Variants in MBNL2 observed in about 807,000 individuals in gnomAD.
MBNL2 encodes muscleblind like splicing regulator 2, also known as muscleblind-like protein 2.
In MBNL2, 17 loss-of-function variants were observed where a neutral mutation model predicts 41.9. The ratio of observed to expected loss-of-function variants is 0.41; its 90% confidence interval spans 0.28 to 0.61. The LOEUF is 0.61. Ranked by LOEUF, MBNL2 falls within the 20% of genes least tolerant of loss-of-function variation. The pLI is 0.35. For missense variants in MBNL2, 336 were observed against 505.6 expected (o/e 0.66, Z 3.22); for synonymous variants, 195 against 182.9 (o/e 1.07, Z -0.53).
Position 97,354,527 on chromosome 13 carries a change from A to G in MBNL2, c.805-2269A>G, listed in dbSNP as rs1052720981. Among the ~76,000 whole-genome samples the G allele has an allele frequency of 3.9e-5, 6 of 152,296 alleles. No individual in the cohort carries two copies. In the East Asian group the frequency reaches 1.2e-3, roughly 29 times the overall value. On this transcript the variant is annotated intron_variant, in intron 5 of 8. Transcript: ENST00000679496. ...AAACTCCCACCACAGAGTGGTAGAA[A>G]GAGATACACGTCACTGTCCTGCTCA...
intron 2 of MBNL2, among the ~76,000 whole-genome samples, chr13:97,284,442 T>A (rs2054034299): frequency 6.6e-6 from 1 of 152,174 alleles, no homozygotes; most frequent in African/African-American, 2.4e-5. Flanking sequence ...ATCTTCCTGG[T>A]GTTTGAGTCT....
chr13:97,243,613 C>T (rs976899742), intron 1 of MBNL2, among the ~76,000 whole-genome samples: 6 of 152,160 alleles, frequency 3.9e-5, no homozygotes. Flanking sequence ...TTAGCATGTT[C>T]CTTCTAATTA....
At chr13:97,203,549 A>G in the MBNL2 span, among the ~76,000 whole-genome samples, 1 of 152,138 alleles carries the variant, frequency 6.6e-6, no homozygotes, top group East Asian at 1.9e-4. Flanking sequence ...AGCTGCGCTC[A>G]CGGGTAACTC....
the MBNL2 span, among the ~76,000 whole-genome samples, chr13:97,203,802 T>G: frequency 6.6e-6 from 1 of 152,294 alleles, no homozygotes. Context: ...TTTAAAAGAT[T>G]CCAATGCCTA....
the MBNL2 span, among the ~76,000 whole-genome samples, chr13:97,171,255 T>G: frequency 6.6e-6 from 1 of 152,184 alleles, no homozygotes; most frequent in Non-Finnish European, 1.5e-5. Context: ...TTCTCATATA[T>G]AAGGCAAGTG....
upstream of MBNL2, among the ~76,000 whole-genome samples, chr13:97,220,001 T>A (rs2040720818): frequency 6.6e-6 from 1 of 152,234 alleles, no homozygotes; most frequent in African/African-American, 2.4e-5. Context: ...GATAATGGAT[T>A]TCAAATGGTG....
intron 2 of MBNL2, among the ~76,000 whole-genome samples, chr13:97,333,112 T>TC (rs568761489): frequency 6.4e-4 from 98 of 152,230 alleles, no homozygotes; most frequent in Middle Eastern, 3.4e-3. Context: ...TTTCCCCAGA[T>TC]CCCCCAAGCT....
chr13:97,388,304 T>C lies in MBNL2; in HGVS notation c.1049-3018T>C, dbSNP rs571364777. On this transcript the variant is annotated intron_variant, in intron 8 of 8. Transcript: ENST00000679496. ...TAAAGATGGAAAAAGTTTATACATA[T>C]ACATACATACATATATATATATATA... Among the ~76,000 whole-genome samples, 12 of 76,324 alleles carry C rather than the reference T, an allele frequency of 1.6e-4. No individual in the cohort carries two copies. In the East Asian group the frequency reaches 4.5e-3, roughly 28 times the overall value. 50.1% of individuals were successfully genotyped at this position (76,324 alleles called of 152,430 possible). A position where few individuals can be genotyped will look rare whatever the true frequency, so the allele number is the denominator to read the frequency against.
the MBNL2 span, chr13:97,179,506 C>T: frequency 6.6e-6 from 1 of 152,254 alleles, no homozygotes; most frequent in Non-Finnish European, 1.5e-5. Context: ...ATTGCACTTC[C>T]TTAACCTAGG....
intron 5 of MBNL2, among the ~76,000 whole-genome samples, chr13:97,352,759 A>G (rs2062616363): frequency 1.3e-5 from 2 of 152,368 alleles, no homozygotes; most frequent in South Asian, 2.1e-4. Flanking sequence ...ACCATACAAC[A>G]AAGTGCAATA....
chr13:97,383,192 C>T (rs968801667), intron 8 of MBNL2, among the ~76,000 whole-genome samples: 4 of 152,134 alleles, frequency 2.6e-5, no homozygotes, highest in Non-Finnish European at 4.4e-5. Context: ...TCAGAATTCC[C>T]CCAGGGGAGC....
intron 1 of MBNL2, among the ~76,000 whole-genome samples, chr13:97,260,634 G>A (rs2048438396): frequency 6.6e-6 from 1 of 152,160 alleles, no homozygotes; most frequent in African/African-American, 2.4e-5. Context: ...CAGATGTAGG[G>A]TATCGGAGAG....
chr13:97,347,508 G>A (rs572320895), intron 5 of MBNL2, among the ~76,000 whole-genome samples: 20 of 152,188 alleles, frequency 1.3e-4, no homozygotes, highest in Non-Finnish European at 2.9e-4. Flanking sequence ...CCTAAGAGAA[G>A]CCCAGAGAGT....
rs756275592 is a variant in MBNL2, at chr13:97,346,837, C to T, written c.574C>T (p.Arg192Trp). ...CREFQRGNCARGETDCRFAHP... is the reference protein window; with the variant it reads ...CREFQRGNCAWGETDCRFAHP... ...GGAGTTCCAGCGAGGAAACTGTGCCCGGGGAGAGACCGACTGCCGCTTTGC... is the reference window on the plus strand; with the variant it reads ...GGAGTTCCAGCGAGGAAACTGTGCCTGGGGAGAGACCGACTGCCGCTTTGC... Residue 192 changes from arginine (R) to tryptophan (W), a missense_variant, in exon 5 of 9, where the codon CGG becomes TGG. Physicochemically the swap from Arg to Trp is moderately radical, Grantham distance 101 (BLOSUM62 -3). Transcript: ENST00000679496. The surrounding 1 kb of genome is among the most constrained non-coding windows in gnomAD (Gnocchi z 4.2). 21 of 1,613,924 alleles carry T rather than the reference C, an allele frequency of 1.3e-5. No homozygotes were observed. The highest frequency in any genetic ancestry group is 1.7e-5 in the Non-Finnish European group (20 of 1,179,932).
At chr13:97,301,186 G>A (rs2057582522) in intron 2 of MBNL2, among the ~76,000 whole-genome samples, 1 of 152,196 alleles carries the variant, frequency 6.6e-6, no homozygotes. Context: ...TAACATGTAC[G>A]GTGGGAATGG....
chr13:97,181,766 A>G, the MBNL2 span, among the ~76,000 whole-genome samples: 1 of 152,144 alleles, frequency 6.6e-6, no homozygotes, highest in African/African-American at 2.4e-5. Context: ...TCACATCTTG[A>G]CTGACATTGT....
chr13:97,331,327 C>T (rs539733966), intron 2 of MBNL2, among the ~76,000 whole-genome samples: 1 of 152,260 alleles, frequency 6.6e-6, no homozygotes, highest in Non-Finnish European at 1.5e-5. Context: ...TGCTCAAAGT[C>T]ATGCAGCTAA....
At chr13:97,201,408 G>T in the MBNL2 span, among the ~76,000 whole-genome samples, 1 of 152,064 alleles carries the variant, frequency 6.6e-6, no homozygotes, top group South Asian at 2.1e-4. Flanking sequence ...CTTTAGACAT[G>T]CATCTTGCTA....
the MBNL2 span, among the ~76,000 whole-genome samples, chr13:97,177,336 G>A: frequency 6.6e-6 from 1 of 152,068 alleles, no homozygotes; most frequent in African/African-American, 2.4e-5. Flanking sequence ...GAGAGACTCT[G>A]TCTCCAAAGA....
Sources: gnomAD v4.1 joint callset for allele counts (sites outside exome capture counted in the v4.1 genomes callset) on GRCh38, gnomAD v4.1.1 for gene constraint, Gnocchi (gnomAD v3.1) non-coding constraint, MANE v1.5 for transcripts, NCBI Gene and HGNC (gene_info 2026-07-23, HGNC 2026-07-21) for gene names.